IGF2R: variants seen among roughly 807,000 people sequenced by gnomAD.
IGF2R encodes the protein insulin like growth factor 2 receptor.
Under a neutral mutation model 270.6 loss-of-function variants are expected in IGF2R, and 91 were observed. That is an observed-to-expected ratio of 0.34 (90% CI 0.28 to 0.40). The LOEUF (loss-of-function observed/expected upper bound fraction) is 0.40, where lower values mean the gene tolerates loss of function less well. Among genes scored for constraint, IGF2R ranks in the 10% least tolerant of loss-of-function variants. The pLI is 1.00. For missense variants in IGF2R, 2,805 were observed against 3,188.3 expected, an observed-to-expected ratio of 0.88 and a Z score of 2.90; for synonymous variants, 1,316 against 1,258.9, an observed-to-expected ratio of 1.05 and a Z score of -0.96.
intron 41 of IGF2R, among the ~76,000 whole-genome samples, chr6:160,086,640 T>G (rs1223636177): frequency 6.6e-6 from 1 of 152,114 alleles, no homozygotes; most frequent in Non-Finnish European, 1.5e-5. Flanking sequence ...GTTTTAAAAA[T>G]TTTCCGTAAA....
At position 160,068,063 on chromosome 6, in the gene IGF2R, GGGGTGTGTGTGTGTGT is replaced by G. The variant is rs1284614450; in HGVS notation, c.4116-184_4116-169del. Among the ~76,000 whole-genome samples, 33 of 95,264 alleles carry G rather than the reference GGGGTGTGTGTGTGTGT, an allele frequency of 3.5e-4. No individual in the cohort carries two copies. The Middle Eastern group carries it at 0.017, about 50-fold the overall frequency. 62.5% of individuals were successfully genotyped at this position (95,264 alleles called of 152,430 possible). ...GTTATGTTGTTGCTGATTCTGATGG[GGGGTGTGTGTGTGTGT>G]GTGTGTGTGTGTGTGTGTGTGTGTG... On this transcript the variant is annotated intron_variant, in intron 29 of 47. Transcript: ENST00000356956.
chr6:160,065,814 G>GTGTGTATATATATATATATATATA, intron 29 of IGF2R, among the ~76,000 whole-genome samples: 7 of 78,386 alleles, frequency 8.9e-5, no homozygotes, highest in South Asian at 5.2e-4. Flanking sequence ...GTGTGTGTGT[G>GTGTGTATATATATATATATATATA]TATATATATA....
rs8191705 is a variant in IGF2R, at chr6:159,991,334, C to T, written c.289+11C>T. ...CTTATCATTCAGTGGGTAAGTAGAA[C>T]TACCTGAAATTACTGGATTGGCAAT... is the stretch of plus-strand genomic sequence containing the variant. On this transcript the variant is annotated intron_variant, in intron 2 of 47. Coordinates refer to ENST00000356956, the MANE Select transcript of IGF2R (RefSeq NM_000876.4). 4 of 1,604,454 alleles carry T rather than the reference C, an allele frequency of 2.5e-6. No individual in the cohort carries two copies. The South Asian group carries it at 4.5e-5, about 18-fold the overall frequency.
intron 4 of IGF2R, among the ~76,000 whole-genome samples, chr6:160,016,974 G>A (rs1283525184): frequency 1.3e-5 from 2 of 152,204 alleles, no homozygotes; most frequent in African/African-American, 4.8e-5. Flanking sequence ...GGGTGTTATA[G>A]CACCCTGAAG....
chr6:160,064,852 C>T lies in IGF2R; in HGVS notation c.4066C>T (p.Arg1356Ter), dbSNP rs750646803. 4 of 1,613,650 alleles carry T rather than the reference C, an allele frequency of 2.5e-6. No individual in the cohort carries two copies. Among genetic ancestry groups the T allele is most frequent in the Non-Finnish European group, 3.4e-6 (4 of 1,179,540 alleles). Reference protein sequence around the residue: ...TSDCSYLFEWRTQYACPPFDL... With the variant: ...TSDCSYLFEW ...AGATTGTTCCTACTTGTTTGAGTGGCGAACGCAGTATGCCTGCCCACCTTT... is the reference window on the plus strand; with the variant it reads ...AGATTGTTCCTACTTGTTTGAGTGGTGAACGCAGTATGCCTGCCCACCTTT... The change falls in exon 29 of 48, where the codon CGA becomes TGA. Residue 1356 changes from arginine to a stop codon, truncating the protein, a stop_gained. Coordinates refer to ENST00000356956, the MANE Select transcript of IGF2R (RefSeq NM_000876.4). LOFTEE classifies it high-confidence loss of function.
chr6:160,029,734 G>C, intron 7 of IGF2R, 79 bp downstream of exon 7: 1 of 956,336 alleles, frequency 1.0e-6, no homozygotes, highest in Non-Finnish European at 1.7e-6. Context: ...CTGGGCTTGG[G>C]GCAGGGTGGG....
Position 160,026,192 on chromosome 6 carries a change from A to G in IGF2R, c.647-993A>G, listed in dbSNP as rs572118477. 8.5e-5 allele frequency among the ~76,000 whole-genome samples: 13 copies of G among 152,364 alleles called. No homozygotes were observed. The South Asian group carries it at 2.7e-3, about 32-fold the overall frequency. The stretch of plus-strand genomic sequence containing the variant: ...TCTTACACTGAGTCCCCATGAGGGC[A>G]AGGAGCCTATGGCACAGCAGATACT... On this transcript the variant is annotated intron_variant, in intron 5 of 47. Transcript: ENST00000356956.
chr6:160,098,217 T>C (rs1241150216), intron 45 of IGF2R, among the ~76,000 whole-genome samples: 1 of 151,930 alleles, frequency 6.6e-6, no homozygotes. Context: ...ATGTTTAGAG[T>C]TCGACTTCTG....
intron 1 of IGF2R, among the ~76,000 whole-genome samples, chr6:159,987,548 C>T (rs574516802): frequency 5.3e-5 from 8 of 152,280 alleles, no homozygotes; most frequent in Non-Finnish European, 8.8e-5. Flanking sequence ...TGCACCACCA[C>T]GCCCGGCTAA....
intron 19 of IGF2R, among the ~76,000 whole-genome samples, chr6:160,053,489 T>C (rs144097820): frequency 4.9e-4 from 75 of 152,304 alleles, no homozygotes; most frequent in African/African-American, 1.7e-3. Flanking sequence ...GGATTGATGT[T>C]GGCCCTGAGT....
intron 1 of IGF2R, among the ~76,000 whole-genome samples, chr6:159,979,099 G>A (rs1783739629): frequency 6.6e-6 from 1 of 152,168 alleles, no homozygotes; most frequent in Admixed American, 6.5e-5. Context: ...TTGCTGTTAG[G>A]GCTGCCACCT....
chr6:160,022,096 A>G (rs1337577642), intron 4 of IGF2R, among the ~76,000 whole-genome samples: 2 of 152,072 alleles, frequency 1.3e-5, no homozygotes, highest in East Asian at 3.9e-4. Context: ...TATGTTTTGG[A>G]GTAATATTGG....
chr6:160,060,390 C>G (rs770619106), intron 22 of IGF2R, among the ~76,000 whole-genome samples, 157 bp from the exon 23 acceptor site: 4 of 152,250 alleles, frequency 2.6e-5, no homozygotes, highest in African/African-American at 7.2e-5. Context: ...CATGTCGAGT[C>G]CCTCGATACA....
intron 19 of IGF2R, among the ~76,000 whole-genome samples, chr6:160,054,986 CTT>C (rs1308564265): frequency 2.6e-5 from 4 of 152,092 alleles, no homozygotes; most frequent in African/African-American, 7.2e-5. Context: ...GGCTAACACT[CTT>C]TTTCCTGAGA....
Position 160,010,672 on chromosome 6 carries a change from A to T in IGF2R, c.415-15A>T, listed in dbSNP as rs1562342255. 2 of 1,415,774 alleles carry T rather than the reference A, an allele frequency of 1.4e-6. No homozygotes were observed. Among genetic ancestry groups the T allele is most frequent in the Non-Finnish European group, 2.0e-6 (2 of 1,004,336 alleles). The allele number at this position is 1,415,774 out of a possible 1,614,324, so 87.7% of individuals were successfully genotyped here. A position where few individuals can be genotyped will look rare whatever the true frequency, so the allele number is the denominator to read the frequency against. ...GTGGTATGGTAACATTATAATTACT[A>T]TTTTTTTTTAATAGGGAACTCCTGA... On this transcript the variant is annotated splice_polypyrimidine_tract_variant and intron_variant, in intron 3 of 47. Coordinates refer to ENST00000356956, the MANE Select transcript of IGF2R (RefSeq NM_000876.4).
chr6:160,075,114 ACATGCACACACACGTG>A (rs1778828592), intron 35 of IGF2R, among the ~76,000 whole-genome samples: 1 of 151,260 alleles, frequency 6.6e-6, no homozygotes, highest in South Asian at 2.1e-4. Context: ...ACTCACACCC[ACATGCACACACACGTG>A]CATGCACACA....
At chr6:159,990,191 A>G (rs1037012178) in intron 1 of IGF2R, among the ~76,000 whole-genome samples, 2 of 152,178 alleles carry the variant, frequency 1.3e-5, no homozygotes, top group African/African-American at 4.8e-5. Context: ...GGCTATTACT[A>G]TCTTATATTC....
chr6:160,068,122 G>A, intron 29 of IGF2R, 127 bp from the exon 30 acceptor site: 1 of 850,206 alleles, frequency 1.2e-6, no homozygotes. Flanking sequence ...GAGACAGAGA[G>A]AAGTCGAGTC....
At position 160,072,736 on chromosome 6, in the gene IGF2R, C is replaced by G. The variant is rs755307648; in HGVS notation, c.4571-29C>G. ...CCCAAGTCTCAGCTCCCTGGAGTCA[C>G]TGTGTCCCCATCTTCTTCCACCCTA... is the stretch of plus-strand genomic sequence containing the variant. On this transcript the variant is annotated intron_variant, in intron 32 of 47. Coordinates refer to ENST00000356956, the MANE Select transcript of IGF2R (RefSeq NM_000876.4). 13 of 1,613,982 alleles carry G rather than the reference C, an allele frequency of 8.1e-6. No homozygotes were observed. The East Asian group carries it at 2.9e-4, about 36-fold the overall frequency.
Sources: allele counts gnomAD v4.1 joint callset (sites outside exome capture counted in the v4.1 genomes callset), GRCh38; gene constraint gnomAD v4.1.1; transcripts MANE v1.5; gene names NCBI Gene and HGNC (gene_info 2026-07-23, HGNC 2026-07-21).